CDH13: variants seen among roughly 807,000 people sequenced by gnomAD.
CDH13 encodes the protein cadherin 13, also known as cadherin-13.
In CDH13, 24 loss-of-function variants were observed where a neutral mutation model predicts 63.8. The ratio of observed to expected loss-of-function variants is 0.38; its 90% confidence interval spans 0.27 to 0.53. The LOEUF (loss-of-function observed/expected upper bound fraction) is 0.53, where lower values mean the gene tolerates loss of function less well. CDH13 is among the 20% of genes least tolerant of loss of function. CDH13 has a pLI of 0.85. For synonymous variants in CDH13, 503 were observed against 355.3 expected (o/e 1.42, Z -4.67); for missense variants, 1,049 against 903.1 (o/e 1.16, Z -2.07).
Position 83,779,405 on chromosome 16 carries a change from T to TAAAAAAAAAAAAAAAAA in CDH13, c.1682-563_1682-562insAAAAAAAAAAAAAAAAA, listed in dbSNP as rs1174439191. Among the ~76,000 whole-genome samples the TAAAAAAAAAAAAAAAAA allele has an allele frequency of 4.4e-5, 3 of 67,786 alleles. 1 individual carries two copies. Among genetic ancestry groups the TAAAAAAAAAAAAAAAAA allele is most frequent in the African/African-American group, 1.9e-4 (3 of 15,934 alleles). The allele number at this position is 67,786 out of a possible 152,430, so 44.5% of individuals were successfully genotyped here. On this transcript the variant is annotated intron_variant, in intron 11 of 13. Coordinates refer to ENST00000567109, the MANE Select transcript of CDH13 (RefSeq NM_001257.5). ...CCGGGCGACAGCGCGAGACTCCATC[T>TAAAAAAAAAAAAAAAAA]CAAAAAAAAAAAAAAAAAAAAAAAA...
chr16:83,344,345 C>G (rs769380468), intron 5 of CDH13, among the ~76,000 whole-genome samples: 1 of 152,180 alleles, frequency 6.6e-6, no homozygotes, highest in Admixed American at 6.5e-5. Context: ...GCAGGAATCC[C>G]GAGGTCTCAT....
rs550265628 is a variant in CDH13, at chr16:83,124,966, A to T, written c.367-419A>T. ...TCAGGCAATATGATGCATCTAACTT[A>T]GTTCTTTTCACTTAGGATTTGTTAT... On this transcript the variant is annotated intron_variant, in intron 3 of 13. Coordinates refer to ENST00000567109, the MANE Select transcript of CDH13 (RefSeq NM_001257.5). Among the ~76,000 whole-genome samples the T allele has an allele frequency of 4.0e-4, 61 of 152,296 alleles. 2 individuals are homozygous for T. In the South Asian group the frequency reaches 7.3e-3, roughly 18 times the overall value.
intron 1 of CDH13, among the ~76,000 whole-genome samples, chr16:82,710,552 A>AAAATATATAT (rs60196638): frequency 1.2e-3 from 75 of 63,744 alleles, no homozygotes; most frequent in African/African-American, 3.7e-3. Flanking sequence ...AAAAAAAAAA[A>AAAATATATAT]ATATATATAT....
chr16:83,758,085 GAA>G (rs35905224), intron 11 of CDH13, among the ~76,000 whole-genome samples: 63 of 147,708 alleles, frequency 4.3e-4, no homozygotes, highest in African/African-American at 1.4e-3. Context: ...AGTGCTTATG[GAA>G]AAAAAAAAAA....
At chr16:82,686,962 C>T (rs1466413301) in intron 1 of CDH13, among the ~76,000 whole-genome samples, 1 of 152,300 alleles carries the variant, frequency 6.6e-6, no homozygotes, top group Non-Finnish European at 1.5e-5. Flanking sequence ...GAGAGCTCAA[C>T]ATTTGTAAGC....
intron 6 of CDH13, among the ~76,000 whole-genome samples, chr16:83,369,018 A>G (rs891507862): frequency 2.7e-5 from 4 of 148,762 alleles, no homozygotes; most frequent in Non-Finnish European, 4.5e-5. Flanking sequence ...TTGTGCTGCT[A>G]TAAACATGCA....
At chr16:82,677,722 G>A (rs554920651) in intron 1 of CDH13, among the ~76,000 whole-genome samples, 1 of 152,038 alleles carries the variant, frequency 6.6e-6, no homozygotes, top group African/African-American at 2.4e-5. Flanking sequence ...TTTTTTAAAG[G>A]TTCCTCTCAT....
chr16:82,646,483 C>T (rs930061161), intron 1 of CDH13, among the ~76,000 whole-genome samples: 3 of 152,146 alleles, frequency 2.0e-5, no homozygotes, highest in Admixed American at 6.5e-5. Context: ...CATGAGTCAC[C>T]GCGCCTGGCC....
intron 2 of CDH13, among the ~76,000 whole-genome samples, chr16:82,861,614 A>T (rs140737339): frequency 6.6e-6 from 1 of 152,062 alleles, no homozygotes; most frequent in African/African-American, 2.4e-5. Context: ...TTCTACTTTA[A>T]CTGTTACTAA....
chr16:83,773,091 C>CT (rs1914865834), intron 11 of CDH13, among the ~76,000 whole-genome samples: 1 of 152,142 alleles, frequency 6.6e-6, no homozygotes, highest in Admixed American at 6.5e-5. Context: ...GGCTCCAACC[C>CT]TTCCACAGAG....
At chr16:82,717,797 C>T (rs184063667) in intron 1 of CDH13, among the ~76,000 whole-genome samples, 1 of 152,134 alleles carries the variant, frequency 6.6e-6, no homozygotes, top group African/African-American at 2.4e-5. Flanking sequence ...TAGATGAGTT[C>T]TAGGGATTAG....
chr16:83,279,271 G>A (rs1369074426), intron 5 of CDH13, among the ~76,000 whole-genome samples: 1 of 152,092 alleles, frequency 6.6e-6, no homozygotes, highest in Admixed American at 6.6e-5. Flanking sequence ...ATCTGAAGTA[G>A]AAGAGAAAGT....
At chr16:82,914,573 A>T (rs565004950) in intron 2 of CDH13, among the ~76,000 whole-genome samples, 21 of 152,334 alleles carry the variant, frequency 1.4e-4, no homozygotes, top group African/African-American at 4.8e-4. Flanking sequence ...TTATCAATCA[A>T]TGGAAATATT....
rs764768803 is a variant in CDH13 at position 82,945,877 on chromosome 16, C to G, written c.158-86133C>G. ...CTACCTAAAGACTCTTCCTCTGAGT[C>G]ATTTCCTAGGGACACTCTCAGTTCC... On this transcript the variant is annotated intron_variant, in intron 2 of 13. Transcript: ENST00000567109. 8.5e-5 allele frequency among the ~76,000 whole-genome samples: 13 copies of G among 152,234 alleles called. No homozygotes were observed. In the East Asian group the frequency reaches 2.3e-3, roughly 27 times the overall value.
chr16:82,957,413 A>G (rs1906282457), intron 2 of CDH13, among the ~76,000 whole-genome samples: 1 of 152,194 alleles, frequency 6.6e-6, no homozygotes, highest in African/African-American at 2.4e-5. Context: ...TTTGCTAACT[A>G]AACAAATTTC....
chr16:83,181,051 C>T lies in CDH13; in HGVS notation c.484-36294C>T, dbSNP rs530383405. 4 of 1,476,718 alleles carry T rather than the reference C, an allele frequency of 2.7e-6. No individual in the cohort carries two copies. In the East Asian group the frequency reaches 7.5e-5, roughly 28 times the overall value. The allele number at this position is 1,476,718 out of a possible 1,614,324, so 91.5% of individuals were successfully genotyped here. A position where few individuals can be genotyped will look rare whatever the true frequency, so the allele number is the denominator to read the frequency against. The stretch of plus-strand genomic sequence containing the variant: ...GCACTCGGTATTTCAAATCCATTTT[C>T]TCTACAGAATGATGTGTTTAAATAA... On this transcript the variant is annotated intron_variant, in intron 4 of 13. Transcript: ENST00000567109.
At chr16:82,696,632 C>G (rs1418152567) in intron 1 of CDH13, among the ~76,000 whole-genome samples, 1 of 152,218 alleles carries the variant, frequency 6.6e-6, no homozygotes, top group Non-Finnish European at 1.5e-5. Context: ...CCCTACATGA[C>G]TCTTATCATT....
intron 1 of CDH13, among the ~76,000 whole-genome samples, chr16:82,747,803 A>C (rs1234738370): frequency 6.6e-6 from 1 of 152,234 alleles, no homozygotes; most frequent in East Asian, 1.9e-4. Context: ...TAGGAATAGC[A>C]GAGTATTAGT....
chr16:83,514,596 G>A (rs1190155324), intron 7 of CDH13, among the ~76,000 whole-genome samples: 1 of 152,160 alleles, frequency 6.6e-6, no homozygotes, highest in Non-Finnish European at 1.5e-5. Flanking sequence ...AGTAAGCCAA[G>A]ATCATACCAC....
Sources: gnomAD v4.1 joint callset for allele counts (sites outside exome capture counted in the v4.1 genomes callset) on GRCh38, gnomAD v4.1.1 for gene constraint, MANE v1.5 for transcripts, NCBI Gene and HGNC (gene_info 2026-07-23, HGNC 2026-07-21) for gene names.